Variants in POGZ observed in about 807,000 individuals in gnomAD.
POGZ encodes pogo transposable element with ZNF domain.
In POGZ, 17 loss-of-function variants were observed where a neutral mutation model predicts 134.6. The ratio of observed to expected loss-of-function variants is 0.13; its 90% CI spans 0.09 to 0.19. The LOEUF (loss-of-function observed/expected upper bound fraction) is 0.19, where lower values mean the gene tolerates loss of function less well. Ranked by LOEUF, POGZ falls within the 10% of genes least tolerant of loss-of-function variation. The pLI, the probability that POGZ is intolerant of heterozygous loss-of-function variation, is 1.00. For synonymous variants in POGZ, 693 were observed against 657.1 expected (o/e 1.05, Z -0.84); for missense variants, 1,306 against 1,769.7 (o/e 0.74, Z 4.70).
At position 151,440,965 on chromosome 1, in the gene POGZ, T is replaced by G. The variant is rs1571532642; in HGVS notation, c.246A>C (p.Thr82=). 1 of 1,614,022 alleles carries G rather than the reference T, an allele frequency of 6.2e-7. No homozygotes were observed. Among genetic ancestry groups the G allele is most frequent in the Non-Finnish European group, 8.5e-7 (1 of 1,179,920 alleles). The change falls in exon 3 of 19, where the codon ACA becomes ACC. Residue 82 remains threonine (T), a synonymous_variant. Transcript: ENST00000271715. Reference sequence around the variant, plus strand: ...CAATTAGTGTGACAAGAGTCTTCTTTGTACTGTCGCTGTTCTGTGCCCCGC... The same window carrying G: ...CAATTAGTGTGACAAGAGTCTTCTTGGTACTGTCGCTGTTCTGTGCCCCGC... ...SSSGAQNSDS[T]KKTLVTLIAN...
intron 1 of POGZ, among the ~76,000 whole-genome samples, chr1:151,445,313 G>C (rs1661109632): frequency 6.6e-6 from 1 of 151,996 alleles, no homozygotes; most frequent in South Asian, 2.1e-4. Flanking sequence ...TTTGAGGTCA[G>C]GAGTTCCAGA....
At position 151,405,795 on chromosome 1, in the gene POGZ, G is replaced by A; in HGVS notation, c.3240C>T (p.His1080=). Residue 1080 remains histidine (H), a synonymous_variant, in exon 19 of 19, where the codon CAC becomes CAT. Transcript: ENST00000271715. The surrounding 1 kb of genome is among the most constrained non-coding windows in gnomAD (Gnocchi z 4.9). The part of the protein sequence containing the change: ...EWAVRFMLRH[H]LTPHARRAVA... ...CAGCTCGCCGGGCATGGGGAGTCAG[G>A]TGGTGCCGCAGCATGAAACGCACAG... 2 of 1,614,198 alleles carry A rather than the reference G, an allele frequency of 1.2e-6. No homozygotes were observed. Among genetic ancestry groups the A allele is most frequent in the Non-Finnish European group, 1.7e-6 (2 of 1,180,030 alleles).
intron 15 of POGZ, among the ~76,000 whole-genome samples, 185 bp downstream of exon 15, chr1:151,407,915 G>A (rs533142583): frequency 6.7e-6 from 1 of 150,018 alleles, no homozygotes; most frequent in East Asian, 2.0e-4. Context: ...GGGAGGCTGA[G>A]ACAGGAGAAT....
rs1210964374 is a variant in POGZ, at chr1:151,405,944, G to A, written c.3091C>T (p.Leu1031=). Residue 1031 remains leucine, a synonymous_variant, in exon 19 of 19, where the codon CTG becomes TTG. Coordinates refer to ENST00000271715, the MANE Select transcript of POGZ (RefSeq NM_015100.4). The surrounding 1 kb of genome is among the most constrained non-coding windows in gnomAD (Gnocchi z 4.9). ...KYLSFEAEEK[L]AEWVLTQREQ... ...CGCTGGGTTAGCACCCACTCAGCCA[G>A]TTTCTCTTCTGCCTCAAAGCTCAGA... The A allele has an allele frequency of 2.5e-6, 4 of 1,614,074 alleles. No homozygotes were observed. The Admixed American group carries it at 6.7e-5, about 27-fold the overall frequency.
chr1:151,423,581 A>G, intron 9 of POGZ, 30 bp from the exon 10 acceptor site: 4 of 1,554,642 alleles, frequency 2.6e-6, no homozygotes, highest in Non-Finnish European at 3.5e-6. Context: ...GAAAGTACAG[A>G]AAACATAAAA....
chr1:151,430,357 G>A (rs1338945237), intron 4 of POGZ, among the ~76,000 whole-genome samples: 2 of 152,148 alleles, frequency 1.3e-5, no homozygotes, highest in South Asian at 2.1e-4. Context: ...AGCAGTCCAC[G>A]CAAAGGGTGA....
intron 15 of POGZ, among the ~76,000 whole-genome samples, chr1:151,407,677 A>G (rs1462236139): frequency 6.6e-6 from 1 of 152,176 alleles, no homozygotes; most frequent in African/African-American, 2.4e-5. Context: ...AGGAGGAAAC[A>G]TATTAGAAGC....
chr1:151,451,780 A>T (rs958492859), intron 1 of POGZ, among the ~76,000 whole-genome samples: 2 of 151,878 alleles, frequency 1.3e-5, no homozygotes, highest in African/African-American at 4.8e-5. Context: ...CATTCTATAA[A>T]ACTAATAGAA....
chr1:151,403,119 A>T lies in POGZ; in HGVS notation c.*1683T>A. 1 of 633,330 alleles carries T rather than the reference A, an allele frequency of 1.6e-6. No individual in the cohort carries two copies. Among genetic ancestry groups the T allele is most frequent in the Non-Finnish European group, 2.0e-6 (1 of 508,254 alleles). 39.2% of individuals were successfully genotyped at this position (633,330 alleles called of 1,614,324 possible). On this transcript the variant is annotated 3_prime_UTR_variant, in exon 19 of 19. Transcript: ENST00000271715. Reference sequence around the variant, plus strand: ...CCCAGATGGATCCTTGGTTGTTTTCAGATGTCAAAGGTTCACAAAGCTGGC... The same window carrying T: ...CCCAGATGGATCCTTGGTTGTTTTCTGATGTCAAAGGTTCACAAAGCTGGC...
intron 1 of POGZ, among the ~76,000 whole-genome samples, chr1:151,456,556 A>G (rs1463630460): frequency 6.6e-6 from 1 of 152,232 alleles, no homozygotes; most frequent in African/African-American, 2.4e-5. Flanking sequence ...CTTTTCCTTC[A>G]TGACAACAAT....
At chr1:151,431,848 T>C (rs1557918276) in intron 3 of POGZ, among the ~76,000 whole-genome samples, 1 of 151,992 alleles carries the variant, frequency 6.6e-6, no homozygotes, top group East Asian at 1.9e-4. Flanking sequence ...AGATAGAAAA[T>C]TTCAGAGAGC....
In POGZ at chr1:151,424,089, G is replaced by A. The variant is rs1417016555; in HGVS notation, c.1383C>T (p.Val461=). 7 of 1,614,166 alleles carry A rather than the reference G, an allele frequency of 4.3e-6. No individual in the cohort carries two copies. In the East Asian group the frequency reaches 1.6e-4, roughly 36 times the overall value. Reference sequence around the variant, plus strand: ...CTACAAGCATAATGAGTTTGGTCTGGACGGCATCGCCCACGTTCTCATTTG... The same window carrying A: ...CTACAAGCATAATGAGTTTGGTCTGAACGGCATCGCCCACGTTCTCATTTG... ...PEPNENVGDA[V]QTKLIMLVDD... is the part of the protein sequence containing the mutation. The change falls in exon 9 of 19, where the codon GTC becomes GTT. Residue 461 remains valine, a synonymous_variant. Transcript: ENST00000271715.
intron 16 of POGZ, 76 bp from the exon 17 acceptor site, chr1:151,407,099 A>T (rs1165400297): frequency 1.3e-5 from 16 of 1,277,752 alleles, no homozygotes; most frequent in Non-Finnish European, 1.7e-5. Flanking sequence ...GAGGCTTAAG[A>T]AAGAAAAGGA....
chr1:151,452,712 A>G (rs1298439419), intron 1 of POGZ, among the ~76,000 whole-genome samples: 2 of 151,860 alleles, frequency 1.3e-5, no homozygotes, highest in East Asian at 3.9e-4. Flanking sequence ...AAAAATACAA[A>G]AATTAGCCAT....
At chr1:151,437,220 T>C (rs1437345149) in intron 3 of POGZ, among the ~76,000 whole-genome samples, 3 of 149,640 alleles carry the variant, frequency 2.0e-5, no homozygotes, top group African/African-American at 7.3e-5. Flanking sequence ...AAAAAAAAAG[T>C]AATACATGCC....
intron 16 of POGZ, 35 bp downstream of exon 16, chr1:151,407,179 GAAAATTAATGTAAAAACCTGA>G (rs1278474907): frequency 1.4e-6 from 2 of 1,383,216 alleles, no homozygotes; most frequent in Non-Finnish European, 2.0e-6. Flanking sequence ...TGAAAAACCT[GAAAATTAATGTAAAAACCTGA>G]AAAATTAAGA....
chr1:151,416,938 T>C (rs749493744), intron 10 of POGZ, among the ~76,000 whole-genome samples: 66 of 152,108 alleles, frequency 4.3e-4, no homozygotes, highest in Non-Finnish European at 8.1e-4. Context: ...TGGCCTGTAA[T>C]GTTATTAAGA....
rs574296888 is a variant in POGZ at position 151,420,150 on chromosome 1, TGCACCCCA to T, written c.1678+3239_1678+3246del. Among the ~76,000 whole-genome samples, 64 of 152,194 alleles carry T rather than the reference TGCACCCCA, an allele frequency of 4.2e-4. No individual in the cohort carries two copies. The South Asian group carries it at 0.013, about 32-fold the overall frequency. ...CTGCAGTGAGCTAAGATTGCGTCACTGCACCCCAGCCTGGGTGGCAGAGCAAGACCCTG... is the reference window on the plus strand; with the variant it reads ...CTGCAGTGAGCTAAGATTGCGTCACTGCCTGGGTGGCAGAGCAAGACCCTG... On this transcript the variant is annotated intron_variant, in intron 10 of 18. Transcript: ENST00000271715.
chr1:151,443,088 A>G (rs916270336), intron 1 of POGZ, among the ~76,000 whole-genome samples: 2 of 152,218 alleles, frequency 1.3e-5, no homozygotes, highest in African/African-American at 4.8e-5. Flanking sequence ...TAGGATGAGG[A>G]CAGTGAGGTG....
Sources: gnomAD v4.1 joint callset for allele counts (sites outside exome capture counted in the v4.1 genomes callset) on GRCh38, gnomAD v4.1.1 for gene constraint, Gnocchi (gnomAD v3.1) non-coding constraint, MANE v1.5 for transcripts, NCBI Gene and HGNC (gene_info 2026-07-23, HGNC 2026-07-21) for gene names.